IL1RAPL1: variants seen among roughly 807,000 people sequenced by gnomAD.
The protein encoded by IL1RAPL1 is interleukin 1 receptor accessory protein like 1, also known as interleukin-1 receptor accessory protein-like 1.
IL1RAPL1 carries 3 observed loss-of-function variants against 48.4 expected under a neutral mutation model. The ratio of observed to expected loss-of-function variants is 0.06; its 90% CI spans 0.03 to 0.16. IL1RAPL1 has a LOEUF of 0.16. IL1RAPL1 is among the 10% of genes least tolerant of loss of function. The pLI, the probability that IL1RAPL1 is intolerant of heterozygous loss-of-function variation, is 1.00. For synonymous variants in IL1RAPL1, 185 were observed against 187.7 expected, an observed-to-expected ratio of 0.99 and a Z score of 0.12; for missense variants, 349 against 530.6, an observed-to-expected ratio of 0.66 and a Z score of 3.36.
At chrX:29,509,863 A>G (rs1935375722) in intron 5 of IL1RAPL1, among the ~76,000 whole-genome samples, 1 of 112,572 alleles carries the variant, frequency 8.9e-6, no homozygotes, top group Non-Finnish European at 1.9e-5. Context: ...GTTCGTTATA[A>G]ATTAGAGTAA....
intron 6 of IL1RAPL1, among the ~76,000 whole-genome samples, chrX:29,870,267 T>A (rs1169924554): frequency 1.8e-5 from 2 of 112,422 alleles, no homozygotes; most frequent in Non-Finnish European, 3.8e-5. Context: ...GCATTAGTTC[T>A]TCTGCTTTGG....
At position 29,547,640 on chromosome X, in the gene IL1RAPL1, ACT is replaced by A. The variant is rs763851716; in HGVS notation, c.704-120787_704-120786del. Among the ~76,000 whole-genome samples the A allele has an allele frequency of 4.5e-3, 507 of 111,594 alleles. 3 individuals carry two copies. Among genetic ancestry groups the A allele is most frequent in the Middle Eastern group, 0.014 (3 of 218 alleles). ...TTTCATCTTCGGTAGCATTATCTAA[ACT>A]CTAAATCTATAATATGTCATTGGAA... is the stretch of plus-strand genomic sequence containing the variant. On this transcript the variant is annotated intron_variant, in intron 5 of 10. Coordinates refer to ENST00000378993, the MANE Select transcript of IL1RAPL1 (RefSeq NM_014271.4).
intron 1 of IL1RAPL1, among the ~76,000 whole-genome samples, chrX:28,677,545 A>G (rs1483086568): frequency 9.0e-6 from 1 of 111,038 alleles, no homozygotes; most frequent in African/African-American, 3.3e-5. Flanking sequence ...TATACTTTCT[A>G]TGAGACTGTG....
intron 5 of IL1RAPL1, among the ~76,000 whole-genome samples, chrX:29,508,783 T>C (rs1935363234): frequency 8.9e-6 from 1 of 111,847 alleles, no homozygotes; most frequent in Non-Finnish European, 1.9e-5. Context: ...ATTTTGATGC[T>C]GTAACTCCTT....
intron 3 of IL1RAPL1, among the ~76,000 whole-genome samples, chrX:29,381,825 AAAAAAAAAAT>A (rs1344897777): frequency 3.5e-5 from 2 of 57,644 alleles, no homozygotes; most frequent in African/African-American, 1.1e-4. Context: ...AAAAAAAAAA[AAAAAAAAAAT>A]ATATATATAT....
chrX:29,302,080 T>A (rs73460482), intron 3 of IL1RAPL1, among the ~76,000 whole-genome samples: 3,292 of 111,859 alleles, frequency 0.029, 127 homozygotes, highest in African/African-American at 0.1. Context: ...AAGAATAGAA[T>A]CTCAGGTTCA....
chrX:28,652,944 A>C (rs1223360343), intron 1 of IL1RAPL1, among the ~76,000 whole-genome samples: 1 of 110,960 alleles, frequency 9.0e-6, no homozygotes, highest in East Asian at 2.8e-4. Flanking sequence ...TCCAGATAGA[A>C]GACCAACTTA....
chrX:29,876,323 G>A (rs1931903198), intron 6 of IL1RAPL1, among the ~76,000 whole-genome samples: 1 of 111,858 alleles, frequency 8.9e-6, no homozygotes, highest in Non-Finnish European at 1.9e-5. Flanking sequence ...ATCCAGTCAT[G>A]TAAATGAAGA....
chrX:29,769,442 T>G (rs1217815216), intron 6 of IL1RAPL1, among the ~76,000 whole-genome samples: 11 of 67,367 alleles, frequency 1.6e-4, no homozygotes, highest in Non-Finnish European at 2.2e-4. Context: ...TTTTTTTTTT[T>G]TTTTTTTTTT....
chrX:29,740,375 C>A (rs1928169270), intron 6 of IL1RAPL1, among the ~76,000 whole-genome samples: 1 of 111,399 alleles, frequency 9.0e-6, no homozygotes, highest in Non-Finnish European at 1.9e-5. Context: ...ATAAAAATAT[C>A]CAAGTGGATG....
intron 1 of IL1RAPL1, among the ~76,000 whole-genome samples, chrX:28,766,863 G>A (rs959877296): frequency 5.4e-5 from 6 of 110,779 alleles, no homozygotes; most frequent in Non-Finnish European, 9.5e-5. Context: ...TGTTGCAAAT[G>A]ACAAGATCTC....
chrX:28,783,766 A>G (rs1165338974), intron 1 of IL1RAPL1, among the ~76,000 whole-genome samples: 1 of 111,339 alleles, frequency 9.0e-6, no homozygotes, highest in Non-Finnish European at 1.9e-5. Context: ...GTCATTAATG[A>G]ACTCCCTCTT....
At chrX:29,365,336 C>T (rs1219057216) in intron 3 of IL1RAPL1, among the ~76,000 whole-genome samples, 3 of 112,080 alleles carry the variant, frequency 2.7e-5, no homozygotes, top group African/African-American at 9.7e-5. Flanking sequence ...TAGGCCAAAT[C>T]CGGATCAAGA....
intron 2 of IL1RAPL1, among the ~76,000 whole-genome samples, chrX:29,119,255 A>T (rs1928734473): frequency 9.0e-6 from 1 of 111,318 alleles, no homozygotes; most frequent in Non-Finnish European, 1.9e-5. Flanking sequence ...CATTTATTTT[A>T]TTCTATATTC....
chrX:29,446,292 T>G (rs1181347888), intron 5 of IL1RAPL1, among the ~76,000 whole-genome samples: 1 of 111,931 alleles, frequency 8.9e-6, no homozygotes, highest in Non-Finnish European at 1.9e-5. Context: ...GAACCTCATT[T>G]TATTACATCT....
intron 6 of IL1RAPL1, among the ~76,000 whole-genome samples, chrX:29,701,791 G>C (rs755766864): frequency 9.0e-5 from 10 of 111,302 alleles, no homozygotes; most frequent in Non-Finnish European, 1.9e-4. Flanking sequence ...ATACCTGTGA[G>C]AGTTAAAGCA....
chrX:29,263,273 A>T (rs1267783073), intron 2 of IL1RAPL1, among the ~76,000 whole-genome samples: 2 of 112,123 alleles, frequency 1.8e-5, no homozygotes, highest in South Asian at 7.3e-4. Context: ...TGATTATTGG[A>T]CATTTGTTAT....
chrX:29,684,362 T>C (rs1026075447), intron 6 of IL1RAPL1, among the ~76,000 whole-genome samples: 1 of 110,779 alleles, frequency 9.0e-6, no homozygotes, highest in African/African-American at 3.3e-5. Flanking sequence ...ATAAGGGCAT[T>C]AATCCCATTC....
intron 6 of IL1RAPL1, among the ~76,000 whole-genome samples, chrX:29,788,773 T>A (rs1479930223): frequency 1.8e-5 from 2 of 112,037 alleles, no homozygotes; most frequent in African/African-American, 3.2e-5. Context: ...AATTTGTATT[T>A]GTTAATCAAC....
Sources: allele counts gnomAD v4.1 joint callset (sites outside exome capture counted in the v4.1 genomes callset), GRCh38; gene constraint gnomAD v4.1.1; transcripts MANE v1.5; gene names NCBI Gene and HGNC (gene_info 2026-07-23, HGNC 2026-07-21).